USP7: variants seen among roughly 807,000 people sequenced by gnomAD.
The protein encoded by USP7 is ubiquitin specific peptidase 7.
In USP7, 9 loss-of-function variants were observed where a neutral mutation model predicts 162.9. That is an observed-to-expected ratio of 0.06 (90% CI 0.03 to 0.10). The LOEUF is 0.10. Ranked by LOEUF, USP7 falls within the 10% of genes least tolerant of loss-of-function variation. The probability of loss-of-function intolerance (pLI) is 1.00; values close to 1 mark genes in which losing one functional copy is unlikely to be tolerated. For missense variants in USP7, 715 were observed against 1,373.7 expected, an observed-to-expected ratio of 0.52 and a Z score of 7.58; for synonymous variants, 562 against 475.9, an observed-to-expected ratio of 1.18 and a Z score of -2.35.
intron 5 of USP7, 33 bp from the exon 6 acceptor site, chr16:8,919,172 G>A (rs1211682725): frequency 6.3e-7 from 1 of 1,597,442 alleles, no homozygotes; most frequent in Non-Finnish European, 8.6e-7. Flanking sequence ...AGGGGATCTT[G>A]CAGATACCCC....
intron 15 of USP7, 123 bp downstream of exon 15, chr16:8,904,312 A>T: frequency 6.6e-7 from 1 of 1,513,370 alleles, no homozygotes. Context: ...GCGTACAGAG[A>T]TGGATGCCCT....
At chr16:8,897,362 C>T (rs1376174504) in intron 25 of USP7, 3 of 428,660 alleles carry the variant, frequency 7.0e-6, no homozygotes, top group South Asian at 6.6e-5. Flanking sequence ...TTACAGAACA[C>T]CTTCTCAGGA....
chr16:8,942,343 G>A (rs1899084984), intron 1 of USP7, among the ~76,000 whole-genome samples: 1 of 152,148 alleles, frequency 6.6e-6, no homozygotes, highest in African/African-American at 2.4e-5. Flanking sequence ...ACCAGCCCTT[G>A]CCAAATATCA....
intron 29 of USP7, 41 bp from the exon 30 acceptor site, chr16:8,894,681 T>C (rs1423271448): frequency 2.5e-6 from 4 of 1,611,706 alleles, no homozygotes; most frequent in African/African-American, 1.3e-5. Context: ...TATTTCTGTA[T>C]ATCAGCAAAA....
At chr16:8,920,526 C>G (rs1456317215) in intron 4 of USP7, 79 bp from the exon 5 acceptor site, 1 of 1,218,282 alleles carries the variant, frequency 8.2e-7, no homozygotes, top group Non-Finnish European at 1.2e-6. Context: ...CATTAGTGCC[C>G]TGTACTTAAT....
At chr16:8,954,416 G>C (rs890106841) in intron 1 of USP7, among the ~76,000 whole-genome samples, 1 of 152,212 alleles carries the variant, frequency 6.6e-6, no homozygotes, top group African/African-American at 2.4e-5. Flanking sequence ...GGTAGCTCGC[G>C]TGTTCTCAAA....
intron 1 of USP7, among the ~76,000 whole-genome samples, chr16:8,938,571 G>A (rs1898884248): frequency 6.6e-6 from 1 of 152,024 alleles, no homozygotes; most frequent in Non-Finnish European, 1.5e-5. Context: ...ACTTAGCTGG[G>A]CACGGTGGCA....
chr16:8,924,796 G>A (rs934780434), intron 2 of USP7, among the ~76,000 whole-genome samples: 1 of 152,210 alleles, frequency 6.6e-6, no homozygotes, highest in African/African-American at 2.4e-5. Flanking sequence ...AAGCATGTGT[G>A]ACGGTAAGCA....
intron 1 of USP7, chr16:8,936,576 G>A (rs1347315140): frequency 6.5e-7 from 1 of 1,538,168 alleles, no homozygotes; most frequent in South Asian, 1.2e-5. Context: ...CTGAAAACCT[G>A]ACTCACCTTC....
chr16:8,939,755 AGTTT>A (rs1409750918), intron 1 of USP7, among the ~76,000 whole-genome samples: 15 of 152,230 alleles, frequency 9.9e-5, no homozygotes, highest in Admixed American at 5.2e-4. Flanking sequence ...TACGTGGGTA[AGTTT>A]AATAACTCCA....
intron 10 of USP7, 86 bp downstream of exon 10, chr16:8,915,168 A>T (rs920827551): frequency 9.4e-6 from 12 of 1,281,352 alleles, no homozygotes; most frequent in African/African-American, 6.0e-5. Context: ...TAGACTATTT[A>T]AAAAAACATC....
intron 11 of USP7, 118 bp downstream of exon 11, chr16:8,910,627 T>G (rs1195389498): frequency 1.2e-6 from 1 of 854,778 alleles, no homozygotes; most frequent in African/African-American, 1.7e-5. Context: ...AATCCTTGTA[T>G]ATTCTAAATA....
rs1306166318 is a variant in USP7, at chr16:8,893,832, A to C, written c.*166T>G. The C allele has an allele frequency of 3.2e-6, 2 of 620,298 alleles. No homozygotes were observed. Among genetic ancestry groups the C allele is most frequent in the Non-Finnish European group, 5.8e-6 (2 of 347,326 alleles). 38.4% of individuals were successfully genotyped at this position (620,298 alleles called of 1,614,324 possible). A position where few individuals can be genotyped will look rare whatever the true frequency, so the allele number is the denominator to read the frequency against. On this transcript the variant is annotated 3_prime_UTR_variant, in exon 31 of 31. Transcript: ENST00000344836. ...TTCATTTTGCTCAAAAAGGGCAGTC[A>C]ATAGATACAGAGAAGCCAAACTGAA... is the stretch of plus-strand genomic sequence containing the variant.
intron 3 of USP7, 79 bp from the exon 4 acceptor site, chr16:8,921,374 A>T: frequency 6.7e-7 from 1 of 1,500,674 alleles, no homozygotes; most frequent in South Asian, 1.2e-5. Context: ...TAAACATAGC[A>T]CACCAAAATT....
rs749221448 is a variant in USP7 at position 8,902,498 on chromosome 16, A to G, written c.1840-16T>C. 1.9e-6 allele frequency: 3 copies of G among 1,607,504 alleles called. No individual in the cohort carries two copies. Among genetic ancestry groups the G allele is most frequent in the Admixed American group, 1.7e-5 (1 of 59,600 alleles). ...GTGGAAATCCCTGAAAAAAATATTA[A>G]GAGTAGATTAAAATAAAAACACGCT... On this transcript the variant is annotated splice_polypyrimidine_tract_variant and intron_variant, in intron 16 of 30. Coordinates refer to ENST00000344836, the MANE Select transcript of USP7 (RefSeq NM_003470.3).
chr16:8,895,052 C>A lies in USP7; in HGVS notation c.3018G>T (p.Pro1006=). 1.2e-6 allele frequency: 2 copies of A among 1,614,250 alleles called. No individual in the cohort carries two copies. The highest frequency in any genetic ancestry group is 1.7e-6 in the Non-Finnish European group (2 of 1,180,042). ...ATACCTGGTGTATCCTCAGCAAAAA[C>A]GGGATTCCGAACGTTCCGAAGACCT... ...HKEVFGTFGI[P]FLLRIHQGEH... Residue 1006 remains proline, a synonymous_variant, in exon 28 of 31, where the codon CCG becomes CCT. Coordinates refer to ENST00000344836, the MANE Select transcript of USP7 (RefSeq NM_003470.3).
chr16:8,952,239 G>C (rs765133044), intron 1 of USP7, among the ~76,000 whole-genome samples: 1 of 152,020 alleles, frequency 6.6e-6, no homozygotes, highest in Non-Finnish European at 1.5e-5. Flanking sequence ...ACGAGGGAGA[G>C]CCTGTCTCCA....
chr16:8,931,329 G>C (rs1024772829), intron 1 of USP7, among the ~76,000 whole-genome samples: 6 of 151,928 alleles, frequency 3.9e-5, no homozygotes, highest in East Asian at 3.9e-4. Context: ...GCTGGGATTA[G>C]AAGCATGTGC....
Position 8,920,343 on chromosome 16 carries a change from T to A in USP7, c.611+16A>T, listed in dbSNP as rs1221355372. 5.6e-6 allele frequency: 9 copies of A among 1,601,402 alleles called. No homozygotes were observed. The highest frequency in any genetic ancestry group is 1.4e-5 in the African/African-American group (1 of 73,988). ...AAAAGACATTTTTAACAGCACCTGA[T>A]TAAAGAAAAACTTACGCAACTCCAT... On this transcript the variant is annotated intron_variant, in intron 5 of 30. Transcript: ENST00000344836.
Sources: allele counts gnomAD v4.1 joint callset (sites outside exome capture counted in the v4.1 genomes callset), GRCh38; gene constraint gnomAD v4.1.1; transcripts MANE v1.5; gene names NCBI Gene and HGNC (gene_info 2026-07-23, HGNC 2026-07-21).